CTDSP1: variants seen among roughly 807,000 people sequenced by gnomAD.
The protein encoded by CTDSP1 is CTD small phosphatase 1.
In CTDSP1, 15 loss-of-function variants were observed where a neutral mutation model predicts 32.5. The observed-to-expected ratio is 0.46, with a 90% CI of 0.31 to 0.71. The LOEUF (loss-of-function observed/expected upper bound fraction) is 0.71. CTDSP1 is among the 30% of genes least tolerant of loss of function. CTDSP1 has a pLI of 0.05. For synonymous variants in CTDSP1, 185 were observed against 145.4 expected (o/e 1.27, Z -1.96); for missense variants, 294 against 351.1 (o/e 0.84, Z 1.30).
At chr2:218,401,768 T>C in intron 2 of CTDSP1, 56 bp downstream of exon 2, 1 of 1,462,914 alleles carries the variant, frequency 6.8e-7, no homozygotes. Flanking sequence ...TTCAGGGCTT[T>C]AGGGGAAGGG....
At chr2:218,402,495 T>C in intron 4 of CTDSP1, 90 bp downstream of exon 4, 1 of 1,303,544 alleles carries the variant, frequency 7.7e-7, no homozygotes, top group Non-Finnish European at 1.1e-6. Flanking sequence ...CGGATGGGAA[T>C]TGGATACATG....
intron 4 of CTDSP1, chr2:218,402,724 G>T (rs1176718489): frequency 1.3e-6 from 1 of 757,120 alleles, no homozygotes; most frequent in Non-Finnish European, 2.5e-6. Context: ...GGGGACCGGT[G>T]CCCTGCAGCC....
chr2:218,398,215 C>T, upstream of CTDSP1: 2 of 583,784 alleles, frequency 3.4e-6, no homozygotes, highest in Middle Eastern at 6.4e-4. Flanking sequence ...AGATGTCCCG[C>T]TCCCAGGCTG....
intron 6 of CTDSP1, among the ~76,000 whole-genome samples, chr2:218,403,983 C>G (rs933558222): frequency 6.6e-6 from 1 of 152,146 alleles, no homozygotes; most frequent in Admixed American, 6.5e-5. Context: ...TCACTTGAGC[C>G]CTGGAGGCAG....
rs938579773 is a variant in CTDSP1 at position 218,401,372 on chromosome 2, T to G, written c.68-192T>G. ...CTGCTAGACCTATTTGTCTGGGAGC[T>G]GCAGGAGCCTTGCAGTTGATTGTGG... On this transcript the variant is annotated intron_variant, in intron 1 of 6. Transcript: ENST00000273062. 2.6e-5 allele frequency: 16 copies of G among 619,884 alleles called. No homozygotes were observed. The South Asian group carries it at 2.9e-4, about 11-fold the overall frequency. The allele number at this position is 619,884 out of a possible 1,614,324, so 38.4% of individuals were successfully genotyped here. A position where few individuals can be genotyped will look rare whatever the true frequency, so the allele number is the denominator to read the frequency against.
Position 218,403,026 on chromosome 2 carries a change from G to C in CTDSP1, c.379-9G>C. 6.2e-7 allele frequency: 1 copy of C among 1,610,586 alleles called. No homozygotes were observed. Among genetic ancestry groups the C allele is most frequent in the East Asian group, 2.2e-5 (1 of 44,840 alleles). On this transcript the variant is annotated splice_polypyrimidine_tract_variant and intron_variant, in intron 4 of 6. Transcript: ENST00000273062. ...TGGCCCGCAGCCCCCTCACTGGCCC[G>C]CCCCCCAGGTCTACGTGTTGAAGCG...
upstream of CTDSP1, chr2:218,398,442 G>A: frequency 6.5e-7 from 1 of 1,534,566 alleles, no homozygotes; most frequent in East Asian, 2.5e-5. Context: ...CTACCCAGGA[G>A]CAGGAGGAGG....
At chr2:218,403,607 C>A (rs1015853469) in intron 6 of CTDSP1, 190 bp downstream of exon 6, 17 of 549,870 alleles carry the variant, frequency 3.1e-5, no homozygotes, top group African/African-American at 3.0e-4. Flanking sequence ...TGGTCTTTTC[C>A]CCTCGCACAA....
Position 218,402,938 on chromosome 2 carries a change from T to G in CTDSP1, c.379-97T>G, listed in dbSNP as rs1574799547. 6 of 873,944 alleles carry G rather than the reference T, an allele frequency of 6.9e-6. No individual in the cohort carries two copies. In the East Asian group the frequency reaches 1.5e-4, roughly 22 times the overall value. 54.1% of individuals were successfully genotyped at this position (873,944 alleles called of 1,614,324 possible). On this transcript the variant is annotated intron_variant, in intron 4 of 6. Coordinates refer to ENST00000273062, the MANE Select transcript of CTDSP1 (RefSeq NM_021198.3). Reference sequence around the variant, plus strand: ...GAGCCTGCGGGCCCAGTCTCCTTCCTGTGCGCCTCTGCCTCCCTGGCCCAT... The same window carrying G: ...GAGCCTGCGGGCCCAGTCTCCTTCCGGTGCGCCTCTGCCTCCCTGGCCCAT...
chr2:218,401,728 G>T lies in CTDSP1; in HGVS notation c.216+16G>T. On this transcript the variant is annotated intron_variant, in intron 2 of 6. Coordinates refer to ENST00000273062, the MANE Select transcript of CTDSP1 (RefSeq NM_021198.3). Reference sequence around the variant, plus strand: ...CATCCCTAAGGTGCGTGGGGGCCAGGTGGGGCCACGGGGGCACCTGGACTC... The same window carrying T: ...CATCCCTAAGGTGCGTGGGGGCCAGTTGGGGCCACGGGGGCACCTGGACTC... 1 of 1,542,930 alleles carries T rather than the reference G, an allele frequency of 6.5e-7. No individual in the cohort carries two copies. Among genetic ancestry groups the T allele is most frequent in the Non-Finnish European group, 8.7e-7 (1 of 1,146,072 alleles).
At chr2:218,398,515 C>A, upstream of CTDSP1, 1 of 1,365,226 alleles carries the variant, frequency 7.3e-7, no homozygotes, top group South Asian at 1.4e-5. Context: ...CGCCCCTACT[C>A]CCAGCCTCAG....
At chr2:218,400,977 G>T in intron 1 of CTDSP1, 1 of 446,114 alleles carries the variant, frequency 2.2e-6, no homozygotes, top group South Asian at 1.6e-5. Context: ...GGCCGGAGGG[G>T]GGTGGGGTGG....
intron 2 of CTDSP1, 95 bp downstream of exon 2, chr2:218,401,807 T>A (rs944011565): frequency 4.7e-5 from 58 of 1,238,826 alleles, no homozygotes; most frequent in Non-Finnish European, 5.5e-5. Flanking sequence ...CAGGATGGAC[T>A]TGCAGACCTG....
intron 1 of CTDSP1, chr2:218,400,681 G>C (rs1410572449): frequency 2.2e-6 from 1 of 452,300 alleles, no homozygotes; most frequent in South Asian, 1.6e-5. Flanking sequence ...CACGCGTGGA[G>C]GCGCCGACCC....
At chr2:218,402,683 G>T in intron 4 of CTDSP1, 1 of 764,876 alleles carries the variant, frequency 1.3e-6, no homozygotes, top group Non-Finnish European at 2.4e-6. Context: ...TAGGTTGTGT[G>T]CTGTCCAGCC....
intron 1 of CTDSP1, 157 bp downstream of exon 1, chr2:218,400,314 A>G: frequency 7.8e-6 from 6 of 764,432 alleles, no homozygotes; most frequent in Non-Finnish European, 1.3e-5. Context: ...GAGAGTTTGA[A>G]CTCAGAGGAG....
At chr2:218,398,501 C>T, upstream of CTDSP1, 1 of 1,440,976 alleles carries the variant, frequency 6.9e-7, no homozygotes, top group Non-Finnish European at 9.2e-7. Context: ...CGACAGTCCC[C>T]TCCCGCCCCT....
Position 218,404,521 on chromosome 2 carries a change from C to G in CTDSP1, c.*96C>G. The G allele has an allele frequency of 6.8e-7, 1 of 1,472,288 alleles. No homozygotes were observed. The highest frequency in any genetic ancestry group is 9.3e-7 in the Non-Finnish European group (1 of 1,080,170). The allele number at this position is 1,472,288 out of a possible 1,614,324, so 91.2% of individuals were successfully genotyped here. On this transcript the variant is annotated 3_prime_UTR_variant, in exon 7 of 7. Transcript: ENST00000273062. ...GCCTTTGTTAGGAAAACCCATGGGC[C>G]GCCGCCACACTCAGTGCCATGGGGA...
At chr2:218,398,482 A>G (rs767782087), upstream of CTDSP1, 13 of 1,523,584 alleles carry the variant, frequency 8.5e-6, no homozygotes, top group Non-Finnish European at 1.1e-5. Context: ...GGACCGGGGT[A>G]TCAGTCCCCG....
Sources: gnomAD v4.1 joint callset for allele counts (sites outside exome capture counted in the v4.1 genomes callset) on GRCh38, gnomAD v4.1.1 for gene constraint, MANE v1.5 for transcripts, NCBI Gene and HGNC (gene_info 2026-07-23, HGNC 2026-07-21) for gene names.